The following PRKD1 variants were observed in gnomAD, a reference collection of about 807,000 sequenced individuals.
PRKD1 encodes the protein protein kinase D1, also known as serine/threonine-protein kinase D1.
In PRKD1, 63 loss-of-function variants were observed where a neutral mutation model predicts 95.9. The observed-to-expected ratio is 0.66, with a 90% CI of 0.54 to 0.81. The LOEUF (loss-of-function observed/expected upper bound fraction) is 0.81, where lower values mean the gene tolerates loss of function less well. Ranked by LOEUF, PRKD1 falls within the 30% of genes least tolerant of loss-of-function variation. The pLI is 0.00. For missense variants in PRKD1, 1,048 were observed against 1,165.3 expected (o/e 0.90, Z 1.47); for synonymous variants, 425 against 423.1 (o/e 1.00, Z -0.05).
chr14:29,921,984 CA>C (rs1895128752), intron 1 of PRKD1, among the ~76,000 whole-genome samples: 1 of 152,132 alleles, frequency 6.6e-6, no homozygotes, highest in Admixed American at 6.5e-5. Flanking sequence ...TGAAAACTGT[CA>C]AATAGTACAT....
intron 1 of PRKD1, among the ~76,000 whole-genome samples, chr14:29,748,153 T>G (rs961561003): frequency 1.3e-5 from 2 of 152,206 alleles, no homozygotes; most frequent in African/African-American, 4.8e-5. Flanking sequence ...ATTTGCAATA[T>G]TTTCCCAATA....
Position 29,621,066 on chromosome 14 carries a change from C to A in PRKD1, c.1905+3086G>T, listed in dbSNP as rs546753230. On this transcript the variant is annotated intron_variant, in intron 13 of 17. Transcript: ENST00000331968. ...GGACATGGATGAAATTGGAAATCAT[C>A]ATTCTCAGTAAACTATCGCAAGGAC... Among the ~76,000 whole-genome samples the A allele has an allele frequency of 2.7e-5, 4 of 148,244 alleles. No homozygotes were observed. In the East Asian group the frequency reaches 8.2e-4, roughly 30 times the overall value.
chr14:29,724,745 T>A (rs926780064), intron 2 of PRKD1, among the ~76,000 whole-genome samples: 1 of 152,160 alleles, frequency 6.6e-6, no homozygotes, highest in Non-Finnish European at 1.5e-5. Flanking sequence ...AAAGAAGGCA[T>A]GAGAGGAGAA....
intron 1 of PRKD1, among the ~76,000 whole-genome samples, chr14:29,757,272 G>A (rs1887747028): frequency 6.6e-6 from 1 of 152,118 alleles, no homozygotes; most frequent in African/African-American, 2.4e-5. Context: ...AAAGGATTCT[G>A]GGATGAAAGT....
intron 13 of PRKD1, among the ~76,000 whole-genome samples, chr14:29,604,029 T>A (rs1252591182): frequency 2.6e-5 from 4 of 152,150 alleles, no homozygotes; most frequent in African/African-American, 9.7e-5. Flanking sequence ...CTGACCCAAG[T>A]TGCCTAGAAA....
At chr14:29,914,965 C>G (rs1894844167) in intron 1 of PRKD1, among the ~76,000 whole-genome samples, 1 of 152,014 alleles carries the variant, frequency 6.6e-6, no homozygotes, top group South Asian at 2.1e-4. Context: ...ACCTTGTGAT[C>G]TGCCCACCTC....
At chr14:29,676,623 G>C (rs1466027268) in intron 2 of PRKD1, among the ~76,000 whole-genome samples, 1 of 152,166 alleles carries the variant, frequency 6.6e-6, no homozygotes, top group African/African-American at 2.4e-5. Context: ...AAAGTGCTGG[G>C]ATTATAGGCA....
intron 1 of PRKD1, among the ~76,000 whole-genome samples, chr14:29,891,654 TG>T (rs369562507): frequency 1.1e-4 from 16 of 151,542 alleles, no homozygotes; most frequent in African/African-American, 3.6e-4. Flanking sequence ...GGTAAATTTT[TG>T]GGGTTTTTTT....
intron 2 of PRKD1, among the ~76,000 whole-genome samples, chr14:29,680,202 AGCACATGTAACATGT>A (rs1258531845): frequency 6.6e-6 from 1 of 152,170 alleles, no homozygotes; most frequent in Non-Finnish European, 1.5e-5. Flanking sequence ...CATGTAAAAG[AGCACATGTAACATGT>A]GCAATTAAAA....
At chr14:29,880,886 A>C (rs544063489) in intron 1 of PRKD1, among the ~76,000 whole-genome samples, 2 of 152,212 alleles carry the variant, frequency 1.3e-5, no homozygotes, top group African/African-American at 2.4e-5. Flanking sequence ...CAATTTCTCC[A>C]TTTGGAATGG....
chr14:29,692,959 C>T (rs1481475500), intron 2 of PRKD1, among the ~76,000 whole-genome samples: 2 of 152,108 alleles, frequency 1.3e-5, no homozygotes, highest in African/African-American at 4.8e-5. Context: ...AAGTATAGGC[C>T]ATATGCAATA....
At chr14:29,826,435 AAT>A (rs199951386) in intron 1 of PRKD1, among the ~76,000 whole-genome samples, 3 of 100,596 alleles carry the variant, frequency 3.0e-5, no homozygotes, top group South Asian at 3.3e-4. Context: ...TATATGATGG[AAT>A]ATATATATAC....
At chr14:29,796,333 A>C (rs1437544353) in intron 1 of PRKD1, among the ~76,000 whole-genome samples, 1 of 152,198 alleles carries the variant, frequency 6.6e-6, no homozygotes, top group Non-Finnish European at 1.5e-5. Flanking sequence ...TAACAATATC[A>C]AAATTTCAAA....
intron 1 of PRKD1, among the ~76,000 whole-genome samples, chr14:29,809,764 A>G (rs1890401167): frequency 6.6e-6 from 1 of 152,192 alleles, no homozygotes; most frequent in Non-Finnish European, 1.5e-5. Flanking sequence ...TCTCCCTATC[A>G]GTACTAAGGC....
At chr14:29,611,449 G>A (rs994482288) in intron 13 of PRKD1, among the ~76,000 whole-genome samples, 6 of 151,734 alleles carry the variant, frequency 4.0e-5, no homozygotes, top group African/African-American at 9.7e-5. Flanking sequence ...GTTTGAATTC[G>A]ATACTGTAAT....
At chr14:29,889,894 T>G (rs1893879305) in intron 1 of PRKD1, among the ~76,000 whole-genome samples, 1 of 152,194 alleles carries the variant, frequency 6.6e-6, no homozygotes, top group Non-Finnish European at 1.5e-5. Flanking sequence ...AATAATAATT[T>G]AAAAAATTAC....
intron 1 of PRKD1, among the ~76,000 whole-genome samples, chr14:29,802,212 A>C (rs1235012728): frequency 6.6e-6 from 1 of 152,236 alleles, no homozygotes; most frequent in Non-Finnish European, 1.5e-5. Flanking sequence ...CTACAGAAAA[A>C]ACAAACAAGA....
At position 29,790,521 on chromosome 14, in the gene PRKD1, C is replaced by T. The variant is rs4417471; in HGVS notation, c.265-64847G>A. Among the ~76,000 whole-genome samples the T allele has an allele frequency of 9.3e-4, 142 of 152,214 alleles. 1 individual carries two copies. The highest frequency in any genetic ancestry group is 6.8e-3 in the Middle Eastern group (2 of 292). The stretch of plus-strand genomic sequence containing the variant: ...CAATCCCTGGAATTAGCCAGCCCCA[C>T]GGGATTTTTTAATTTGGCTTAACCT... On this transcript the variant is annotated intron_variant, in intron 1 of 17. Coordinates refer to ENST00000331968, the MANE Select transcript of PRKD1 (RefSeq NM_002742.3).
intron 13 of PRKD1, among the ~76,000 whole-genome samples, chr14:29,610,655 T>C (rs749282006): frequency 2.5e-4 from 38 of 152,234 alleles, no homozygotes; most frequent in Non-Finnish European, 4.6e-4. Flanking sequence ...CTATCATACT[T>C]CTGGGTATTT....
Sources: gnomAD v4.1 joint callset for allele counts (sites outside exome capture counted in the v4.1 genomes callset) on GRCh38, gnomAD v4.1.1 for gene constraint, MANE v1.5 for transcripts, NCBI Gene and HGNC (gene_info 2026-07-23, HGNC 2026-07-21) for gene names.